Variants in VAV2 observed in about 807,000 individuals in gnomAD.
VAV2 encodes the protein guanine nucleotide exchange factor VAV2.
Under a neutral mutation model 132.5 loss-of-function variants are expected in VAV2, and 67 were observed. The observed-to-expected ratio is 0.51, with a 90% CI of 0.42 to 0.62. VAV2 has a LOEUF of 0.62. Among genes scored for constraint, VAV2 ranks in the 20% least tolerant of loss-of-function variants. The probability of loss-of-function intolerance (pLI) is 0.00; values close to 1 mark genes in which losing one functional copy is unlikely to be tolerated. For missense variants in VAV2, 938 were observed against 1,153.6 expected (o/e 0.81, Z 2.71); for synonymous variants, 492 against 443.5 (o/e 1.11, Z -1.37).
intron 1 of VAV2, among the ~76,000 whole-genome samples, chr9:133,988,911 C>A (rs953797479): frequency 2.0e-5 from 3 of 151,876 alleles, no homozygotes; most frequent in African/African-American, 7.3e-5. Flanking sequence ...ACTAAAAATA[C>A]AAAAAATAGC....
Position 133,935,487 on chromosome 9 carries a change from G to A in VAV2, c.321+3616C>T, listed in dbSNP as rs900248184. 2.6e-5 allele frequency among the ~76,000 whole-genome samples: 4 copies of A among 152,162 alleles called. No individual in the cohort carries two copies. Among genetic ancestry groups the A allele is most frequent in the African/African-American group, 9.6e-5 (4 of 41,452 alleles). ...CTGACCCTTCCTCCCCTCTGTCCAC[G>A]GCAGGGACTGCAACAAATACGCCCC... On this transcript the variant is annotated intron_variant, in intron 2 of 29. Coordinates refer to ENST00000371850, the MANE Select transcript of VAV2 (RefSeq NM_001134398.2). The surrounding 1 kb of genome is among the most constrained non-coding windows in gnomAD (Gnocchi z 5.2).
rs1015422583 is a variant in VAV2 at position 133,826,798 on chromosome 9, G to A, written c.449+7474C>T. Among the ~76,000 whole-genome samples, 7 of 152,126 alleles carry A rather than the reference G, an allele frequency of 4.6e-5. No homozygotes were observed. Among genetic ancestry groups the A allele is most frequent in the Admixed American group, 4.6e-4 (7 of 15,276 alleles). On this transcript the variant is annotated intron_variant, in intron 4 of 29. Coordinates refer to ENST00000371850, the MANE Select transcript of VAV2 (RefSeq NM_001134398.2). This position sits in a 1 kb window ranked among gnomAD's most constrained non-coding sequence, Gnocchi z 4.2. ...AATTCTCGGGGACCTCTGACCTGCC[G>A]GCACCACGGGAGGGAGGGCAGAGGC...
intron 5 of VAV2, among the ~76,000 whole-genome samples, chr9:133,811,301 T>C (rs866393937): frequency 1.3e-5 from 2 of 152,382 alleles, no homozygotes; most frequent in Admixed American, 6.5e-5. Flanking sequence ...AAGGCCTCTT[T>C]AGGGATTTGT....
At chr9:133,853,560 G>A (rs1479102155) in intron 3 of VAV2, among the ~76,000 whole-genome samples, 1 of 152,078 alleles carries the variant, frequency 6.6e-6, no homozygotes. Flanking sequence ...GCTAGAGCGG[G>A]GCAGGGAACG....
chr9:133,786,013 C>CA, intron 16 of VAV2, 128 bp from the exon 17 acceptor site: 1 of 786,596 alleles, frequency 1.3e-6, no homozygotes, highest in Non-Finnish European at 2.1e-6. Context: ...GGTGCCTGTG[C>CA]CTGTGTGAAC....
chr9:133,903,630 C>T (rs1839530005), intron 2 of VAV2, among the ~76,000 whole-genome samples: 1 of 152,194 alleles, frequency 6.6e-6, no homozygotes, highest in African/African-American at 2.4e-5. Context: ...CGGTGGCTCA[C>T]AGAGGCTCAC....
Position 133,834,403 on chromosome 9 carries a change from A to T in VAV2, c.381-63T>A. On this transcript the variant is annotated intron_variant, in intron 3 of 29. Transcript: ENST00000371850. The surrounding 1 kb of genome is among the most constrained non-coding windows in gnomAD (Gnocchi z 5.9). The stretch of plus-strand genomic sequence containing the variant: ...CGGCACTGCCGGCCAGTGGGACCCC[A>T]GCTGGACCCCACAGCAGAGCCCAGT... 2 of 1,548,428 alleles carry T rather than the reference A, an allele frequency of 1.3e-6. No homozygotes were observed. Among genetic ancestry groups the T allele is most frequent in the Admixed American group, 3.6e-5 (2 of 55,112 alleles).
At position 133,969,879 on chromosome 9, in the gene VAV2, T is replaced by G. The variant is rs1309229299; in HGVS notation, c.204+22196A>C. Among the ~76,000 whole-genome samples the G allele has an allele frequency of 2.0e-5, 3 of 151,778 alleles. No individual in the cohort carries two copies. The highest frequency in any genetic ancestry group is 4.2e-4 in the South Asian group (2 of 4,806). On this transcript the variant is annotated intron_variant, in intron 1 of 29. Transcript: ENST00000371850. The surrounding 1 kb of genome is among the most constrained non-coding windows in gnomAD (Gnocchi z 5.1). ...CCTGTAGTGCAGACACAGTGGAGCT[T>G]TCCAAAGCCAAATCTGAGCACGCCA...
In VAV2 at chr9:133,823,989, G is replaced by T. The variant is rs148370041; in HGVS notation, c.449+10283C>A. Among the ~76,000 whole-genome samples, 2 of 152,206 alleles carry T rather than the reference G, an allele frequency of 1.3e-5. No homozygotes were observed. Among genetic ancestry groups the T allele is most frequent in the East Asian group, 1.9e-4 (1 of 5,164 alleles). On this transcript the variant is annotated intron_variant, in intron 4 of 29. Transcript: ENST00000371850. This position sits in a 1 kb window ranked among gnomAD's most constrained non-coding sequence, Gnocchi z 5.5. ...CGGCCTCTCCCTCAGTGGTGGGGGT[G>T]GGGGAGCAGGGTTTCGAGGTCACTG...
chr9:133,784,499 G>T, intron 17 of VAV2, 81 bp from the exon 18 acceptor site: 1 of 1,483,632 alleles, frequency 6.7e-7, no homozygotes, highest in Non-Finnish European at 9.4e-7. Context: ...GGAACCAGCT[G>T]GGCTCCGGAC....
At chr9:133,829,520 C>T (rs1836182498) in intron 4 of VAV2, among the ~76,000 whole-genome samples, 1 of 152,238 alleles carries the variant, frequency 6.6e-6, no homozygotes, top group Non-Finnish European at 1.5e-5. Context: ...CTCCATAAGC[C>T]AGATCAGAGG....
intron 25 of VAV2, among the ~76,000 whole-genome samples, chr9:133,774,697 G>A (rs1398942961): frequency 6.6e-6 from 1 of 152,316 alleles, no homozygotes; most frequent in East Asian, 1.9e-4. Context: ...CCACAGGGCA[G>A]CCAGGAGTGA....
chr9:133,768,306 G>A lies in VAV2; in HGVS notation c.2589+136C>T. ...ATGCCAACCTTCTGGGCTGCTGTGA[G>A]GATGAGGGAGATTGCAGAGGGTGTC... On this transcript the variant is annotated intron_variant, in intron 29 of 29. Transcript: ENST00000371850. This position sits in a 1 kb window ranked among gnomAD's most constrained non-coding sequence, Gnocchi z 5.3. 7.9e-7 allele frequency: 1 copy of A among 1,258,818 alleles called. No individual in the cohort carries two copies. The highest frequency in any genetic ancestry group is 2.5e-4 in the Middle Eastern group (1 of 3,994). 78.0% of individuals were successfully genotyped at this position (1,258,818 alleles called of 1,614,324 possible).
chr9:133,793,567 C>G (rs1457741459), intron 12 of VAV2, among the ~76,000 whole-genome samples: 1 of 152,210 alleles, frequency 6.6e-6, no homozygotes, highest in Non-Finnish European at 1.5e-5. Flanking sequence ...GACCACCCCC[C>G]TCCCAAAGGC....
intron 3 of VAV2, among the ~76,000 whole-genome samples, chr9:133,856,029 T>A (rs1284793913): frequency 1.3e-4 from 20 of 152,124 alleles, no homozygotes; most frequent in Admixed American, 1.3e-3. Context: ...GAAAACAAGA[T>A]GCGGGGTGGG....
At chr9:133,770,583 T>A in intron 26 of VAV2, 82 bp from the exon 27 acceptor site, 2 of 1,573,032 alleles carry the variant, frequency 1.3e-6, no homozygotes, top group Non-Finnish European at 8.6e-7. Context: ...CTCTCCCACC[T>A]CTTGGTTCAT....
intron 1 of VAV2, among the ~76,000 whole-genome samples, chr9:133,972,960 T>C (rs1842388687): frequency 6.6e-6 from 1 of 152,080 alleles, no homozygotes; most frequent in South Asian, 2.1e-4. Context: ...ATCACCACTT[T>C]GAAGATGCTA....
chr9:133,954,122 G>A (rs1588163958), intron 1 of VAV2, among the ~76,000 whole-genome samples: 1 of 152,308 alleles, frequency 6.6e-6, no homozygotes, highest in Non-Finnish European at 1.5e-5. Context: ...CACTGCGCCT[G>A]TCTGCTGCTG....
intron 18 of VAV2, among the ~76,000 whole-genome samples, 182 bp downstream of exon 18, chr9:133,784,135 C>T (rs1394899441): frequency 6.6e-6 from 1 of 152,192 alleles, no homozygotes; most frequent in Non-Finnish European, 1.5e-5. Flanking sequence ...CTGCCTCAGC[C>T]TCCCAAAGTG....
Sources: gnomAD v4.1 joint callset for allele counts (sites outside exome capture counted in the v4.1 genomes callset) on GRCh38, gnomAD v4.1.1 for gene constraint, Gnocchi (gnomAD v3.1) non-coding constraint, MANE v1.5 for transcripts, NCBI Gene and HGNC (gene_info 2026-07-23, HGNC 2026-07-21) for gene names.